Variants in TAF4 observed in about 807,000 individuals in gnomAD.
TAF4 encodes TATA-box binding protein associated factor 4.
TAF4 carries 9 observed loss-of-function variants against 90.3 expected under a neutral mutation model. The ratio of observed to expected loss-of-function variants is 0.10; its 90% confidence interval spans 0.06 to 0.17. The LOEUF is 0.17. Among genes scored for constraint, TAF4 ranks in the 10% least tolerant of loss-of-function variants. TAF4 has a pLI of 1.00. For synonymous variants in TAF4, 818 were observed against 638.9 expected (o/e 1.28, Z -4.23); for missense variants, 1,351 against 1,370.7 (o/e 0.99, Z 0.23).
intron 1 of TAF4, among the ~76,000 whole-genome samples, chr20:62,052,898 G>A (rs1171650752): frequency 1.4e-5 from 2 of 145,128 alleles, no homozygotes; most frequent in African/African-American, 5.2e-5. Context: ...GCTGCCACTC[G>A]TACCATCAGG....
At chr20:62,038,509 T>C (rs948538811) in intron 1 of TAF4, among the ~76,000 whole-genome samples, 15 of 152,012 alleles carry the variant, frequency 9.9e-5, no homozygotes, top group African/African-American at 3.4e-4. Context: ...TTCTAAATAC[T>C]GGCAACAATT....
At chr20:62,027,844 C>T (rs1420437232) in intron 1 of TAF4, among the ~76,000 whole-genome samples, 1 of 152,210 alleles carries the variant, frequency 6.6e-6, no homozygotes, top group African/African-American at 2.4e-5. Flanking sequence ...TCCATGCGCA[C>T]GGGGCAAAGA....
At position 62,065,196 on chromosome 20, in the gene TAF4, C is replaced by A; in HGVS notation, c.615G>T (p.Leu205=). Residue 205 remains leucine, a synonymous_variant, in exon 1 of 15, where the codon CTG becomes CTT. Coordinates refer to ENST00000252996, the MANE Select transcript of TAF4 (RefSeq NM_003185.4). ...CAGGTGCGGCGGCGTGGTGCGAGTT[C>A]AGCAGCGCGGCGCTCCCATTCAAAG... is the stretch of plus-strand genomic sequence containing the variant. ...AQTLNGSAAL[L]NSHHAAAPAV... The A allele has an allele frequency of 8.4e-7, 1 of 1,197,384 alleles. No individual in the cohort carries two copies. Among genetic ancestry groups the A allele is most frequent in the East Asian group, 8.9e-5 (1 of 11,252 alleles). The allele number at this position is 1,197,384 out of a possible 1,614,324, so 74.2% of individuals were successfully genotyped here.
chr20:62,062,562 C>G (rs1325928211), intron 1 of TAF4, among the ~76,000 whole-genome samples: 1 of 152,214 alleles, frequency 6.6e-6, no homozygotes. Flanking sequence ...CACTGCCACC[C>G]AAACGTCTGT....
At chr20:61,984,666 CCGGGACA>C (rs2055572060) in intron 14 of TAF4, among the ~76,000 whole-genome samples, 1 of 47,358 alleles carries the variant, frequency 2.1e-5, no homozygotes, top group Non-Finnish European at 5.3e-5. Flanking sequence ...AGGGCAGTGC[CCGGGACA>C]TCAGCACCCA....
At chr20:61,989,307 G>GCTCCAC (rs66527480) in intron 14 of TAF4, among the ~76,000 whole-genome samples, 1 of 14,724 alleles carries the variant, frequency 6.8e-5, no homozygotes, top group Admixed American at 5.0e-4. Context: ...GAGGAACCAG[G>GCTCCAC]GGAAGCTGCA....
At chr20:62,018,473 G>A (rs1218894719) in intron 1 of TAF4, among the ~76,000 whole-genome samples, 2 of 152,228 alleles carry the variant, frequency 1.3e-5, no homozygotes, top group South Asian at 2.1e-4. Context: ...CCGTGGTTAC[G>A]GGCGGCACCT....
intron 1 of TAF4, among the ~76,000 whole-genome samples, chr20:62,062,476 A>C (rs1342373174): frequency 1.4e-4 from 21 of 152,092 alleles, no homozygotes; most frequent in Admixed American, 1.4e-3. Context: ...CAACTGCAGG[A>C]GGCCATGAAG....
At chr20:62,024,767 G>A (rs1240580618) in intron 1 of TAF4, among the ~76,000 whole-genome samples, 1 of 152,094 alleles carries the variant, frequency 6.6e-6, no homozygotes, top group African/African-American at 2.4e-5. Context: ...CTACTTGGGA[G>A]GCTGAGGCAC....
intron 1 of TAF4, among the ~76,000 whole-genome samples, chr20:62,036,558 A>G (rs2055933810): frequency 6.6e-6 from 1 of 152,240 alleles, no homozygotes; most frequent in East Asian, 1.9e-4. Context: ...ACCAAACTGT[A>G]GCAAACTGCA....
At chr20:62,043,319 A>G (rs1371131984) in intron 1 of TAF4, among the ~76,000 whole-genome samples, 1 of 152,222 alleles carries the variant, frequency 6.6e-6, no homozygotes, top group African/African-American at 2.4e-5. Flanking sequence ...CAGAATAAGG[A>G]TACAAAGAAA....
Position 62,012,852 on chromosome 20 carries a change from T to A in TAF4, c.1604A>T (p.Gln535Leu). The part of the protein sequence containing the change: ...KQVSQAQTTV[Q>L]PSATLQRSPG... ...CGAGCGCTGCAGGGTTGCACTGGGC[T>A]GCACCGTTGTCTGGGCCTGAGACAC... Residue 535 changes from glutamine to leucine, a missense_variant, in exon 3 of 15, where the codon CAG becomes CTG. Physicochemically the swap from Gln to Leu is moderately radical, Grantham distance 113. Coordinates refer to ENST00000252996, the MANE Select transcript of TAF4 (RefSeq NM_003185.4). 6.2e-6 allele frequency: 10 copies of A among 1,614,152 alleles called. No individual in the cohort carries two copies. The highest frequency in any genetic ancestry group is 8.5e-6 in the Non-Finnish European group (10 of 1,180,034).
chr20:62,001,274 C>G (rs2055700553), intron 9 of TAF4, among the ~76,000 whole-genome samples: 1 of 152,152 alleles, frequency 6.6e-6, no homozygotes. Context: ...CCCCGTAGGA[C>G]CCGGTCCCAG....
chr20:62,064,388 C>G (rs2056109044), intron 1 of TAF4, 63 bp downstream of exon 1: 1 of 1,277,214 alleles, frequency 7.8e-7, no homozygotes, highest in African/African-American at 1.5e-5. Flanking sequence ...GGAGAACTTC[C>G]TGGAACTGGC....
chr20:62,064,482 C>T lies in TAF4; in HGVS notation c.1329G>A (p.Pro443=), dbSNP rs2056109920. 6.7e-7 allele frequency: 1 copy of T among 1,500,088 alleles called. No individual in the cohort carries two copies. The highest frequency in any genetic ancestry group is 2.6e-5 in the East Asian group (1 of 38,180). The allele number at this position is 1,500,088 out of a possible 1,614,324, so 92.9% of individuals were successfully genotyped here. A position where few individuals can be genotyped will look rare whatever the true frequency, so the allele number is the denominator to read the frequency against. The part of the protein sequence containing the change: ...APRLPQPPQN[P]TNIQNFQLPP... ...GCAGCTGGAAGTTCTGGATGTTGGT[C>T]GGGTTCTGAGGCGGCTGCGGCAAGC... Residue 443 remains proline, a synonymous_variant, in exon 1 of 15, where the codon CCG becomes CCA. Transcript: ENST00000252996.
intron 14 of TAF4, among the ~76,000 whole-genome samples, chr20:61,996,924 T>A (rs946033140): frequency 1.3e-5 from 2 of 150,160 alleles, no homozygotes; most frequent in African/African-American, 2.5e-5. Flanking sequence ...CAAAAGGAAA[T>A]GGTGGCAGAC....
chr20:61,978,057 G>A (rs1400258160), intron 14 of TAF4, among the ~76,000 whole-genome samples: 1 of 131,000 alleles, frequency 7.6e-6, no homozygotes, highest in Non-Finnish European at 1.7e-5. Context: ...AACCAAGGGA[G>A]GGCGCGACAC....
chr20:62,039,920 G>A (rs1484721720), intron 1 of TAF4, among the ~76,000 whole-genome samples: 1 of 152,154 alleles, frequency 6.6e-6, no homozygotes, highest in Non-Finnish European at 1.5e-5. Context: ...TAGTCACTAG[G>A]GAAATGCAAA....
chr20:62,009,182 AAAGT>A lies in TAF4; in HGVS notation c.1762-12_1762-9del. 6.3e-7 allele frequency: 1 copy of A among 1,599,842 alleles called. No individual in the cohort carries two copies. The highest frequency in any genetic ancestry group is 8.5e-7 in the Non-Finnish European group (1 of 1,175,616). Reference sequence around the variant, plus strand: ...CACGTTTTCCATAGTTTCCTGGATTAAAGTAAAAAGATATAAGTGAAAAATCTTA... The same window carrying A: ...CACGTTTTCCATAGTTTCCTGGATTAAAAAAGATATAAGTGAAAAATCTTA... On this transcript the variant is annotated splice_polypyrimidine_tract_variant and intron_variant, in intron 4 of 14. Coordinates refer to ENST00000252996, the MANE Select transcript of TAF4 (RefSeq NM_003185.4).
Sources: allele counts gnomAD v4.1 joint callset (sites outside exome capture counted in the v4.1 genomes callset), GRCh38; gene constraint gnomAD v4.1.1; transcripts MANE v1.5; gene names NCBI Gene and HGNC (gene_info 2026-07-23, HGNC 2026-07-21).